LANCL3: variants seen among roughly 807,000 people sequenced by gnomAD.
The protein encoded by LANCL3 is LanC like family member 3, also known as lanC-like protein 3.
In LANCL3, 19 loss-of-function variants were observed where a neutral mutation model predicts 26.5. The ratio of observed to expected loss-of-function variants is 0.72; its 90% confidence interval spans 0.50 to 1.05. The LOEUF is 1.05. Among genes scored for constraint, LANCL3 ranks in the 50% least tolerant of loss-of-function variants. The probability of loss-of-function intolerance (pLI) is 0.00; values close to 1 mark genes in which losing one functional copy is unlikely to be tolerated. For synonymous variants in LANCL3, 160 were observed against 166.6 expected, an observed-to-expected ratio of 0.96 and a Z score of 0.30; for missense variants, 318 against 362.7, an observed-to-expected ratio of 0.88 and a Z score of 1.00.
chrX:37,572,949 C>G (rs1391164238), intron 1 of LANCL3, among the ~76,000 whole-genome samples: 1 of 112,150 alleles, frequency 8.9e-6, no homozygotes, highest in Non-Finnish European at 1.9e-5. Context: ...GTTTTGCTTA[C>G]TATTCAGTTC....
chrX:37,589,744 T>C (rs1259189948), intron 1 of LANCL3, among the ~76,000 whole-genome samples: 5 of 111,712 alleles, frequency 4.5e-5, no homozygotes, highest in African/African-American at 1.6e-4. Context: ...AGCATATGTA[T>C]TCTTTTGGAT....
chrX:37,607,883 G>T (rs1001135463), intron 1 of LANCL3, among the ~76,000 whole-genome samples: 1 of 112,290 alleles, frequency 8.9e-6, no homozygotes, highest in Non-Finnish European at 1.9e-5. Context: ...AACTGTCAGG[G>T]TGCATTTACC....
chrX:37,625,264 A>C (rs1172709723), intron 1 of LANCL3, among the ~76,000 whole-genome samples: 2 of 111,742 alleles, frequency 1.8e-5, no homozygotes, highest in Non-Finnish European at 1.9e-5. Context: ...ACAACAACAA[A>C]AAGTTTTTAT....
intron 1 of LANCL3, among the ~76,000 whole-genome samples, chrX:37,632,149 C>CAT (rs1477600526): frequency 8.9e-6 from 1 of 111,918 alleles, no homozygotes; most frequent in Non-Finnish European, 1.9e-5. Flanking sequence ...GTATTGGTTG[C>CAT]ATATATATTT....
chrX:37,628,292 T>A (rs1436905811), intron 1 of LANCL3, among the ~76,000 whole-genome samples: 1 of 111,190 alleles, frequency 9.0e-6, no homozygotes, highest in East Asian at 2.8e-4. Flanking sequence ...AGGAACATCA[T>A]ACACATCCAA....
intron 1 of LANCL3, among the ~76,000 whole-genome samples, chrX:37,595,521 G>A (rs1924400768): frequency 8.9e-6 from 1 of 111,857 alleles, no homozygotes; most frequent in African/African-American, 3.2e-5. Context: ...GCCAAAAGAT[G>A]GCAAAATTCT....
chrX:37,614,967 T>C (rs1365904738), intron 1 of LANCL3, among the ~76,000 whole-genome samples: 1 of 112,385 alleles, frequency 8.9e-6, no homozygotes, highest in Non-Finnish European at 1.9e-5. Context: ...TTATGCCCTG[T>C]TCTAAGCTCT....
At chrX:37,672,640 A>G (rs1926711472) in intron 4 of LANCL3, among the ~76,000 whole-genome samples, 1 of 111,930 alleles carries the variant, frequency 8.9e-6, no homozygotes, top group African/African-American at 3.2e-5. Context: ...TGATCTGATT[A>G]GTTACTTTCC....
chrX:37,605,764 C>T (rs1390558426), intron 1 of LANCL3, among the ~76,000 whole-genome samples: 4 of 111,479 alleles, frequency 3.6e-5, no homozygotes, highest in Admixed American at 9.5e-5. Flanking sequence ...ACCTTTTTGA[C>T]GAGACCTACA....
intron 1 of LANCL3, among the ~76,000 whole-genome samples, chrX:37,620,673 T>A (rs1384341556): frequency 3.6e-5 from 4 of 111,764 alleles, no homozygotes; most frequent in Non-Finnish European, 7.5e-5. Context: ...CCAACATTCC[T>A]ATGGCGGTCT....
Position 37,573,674 on chromosome X carries a change from CAG to C in LANCL3, c.573+1235_573+1236del, listed in dbSNP as rs782590876. Among the ~76,000 whole-genome samples, 3 of 112,334 alleles carry C rather than the reference CAG, an allele frequency of 2.7e-5. 1 individual carries two copies. The South Asian group carries it at 1.1e-3, about 42-fold the overall frequency. On this transcript the variant is annotated intron_variant, in intron 1 of 4. Transcript: ENST00000378619. ...TTGTAGAAAACCTTTTAGAAGGCCA[CAG>C]AGATATTTACATATCATTTGCATTG...
intron 1 of LANCL3, among the ~76,000 whole-genome samples, chrX:37,599,754 C>T (rs1556419838): frequency 8.9e-6 from 1 of 112,258 alleles, no homozygotes; most frequent in Admixed American, 9.5e-5. Context: ...TAGATGTTCA[C>T]AGTCTTCTTA....
intron 1 of LANCL3, among the ~76,000 whole-genome samples, chrX:37,630,950 A>G (rs1925481107): frequency 9.0e-6 from 1 of 111,492 alleles, no homozygotes; most frequent in African/African-American, 3.3e-5. Flanking sequence ...TGGTATCAGG[A>G]TGATGCTGGC....
intron 3 of LANCL3, among the ~76,000 whole-genome samples, chrX:37,660,323 A>G (rs1180570997): frequency 9.0e-6 from 1 of 111,685 alleles, no homozygotes; most frequent in Non-Finnish European, 1.9e-5. Flanking sequence ...GACAAATCGT[A>G]TGCACTTTAA....
intron 1 of LANCL3, among the ~76,000 whole-genome samples, chrX:37,638,633 A>T (rs782138804): frequency 1.1e-4 from 12 of 112,096 alleles, no homozygotes; most frequent in African/African-American, 3.9e-4. Flanking sequence ...TTTTTATAAA[A>T]AAAATTGAAG....
chrX:37,582,267 G>C (rs1361806609), intron 1 of LANCL3, among the ~76,000 whole-genome samples: 5 of 111,870 alleles, frequency 4.5e-5, no homozygotes, highest in African/African-American at 1.6e-4. Flanking sequence ...CTTTATAGTA[G>C]CATGACTTAC....
chrX:37,583,407 C>A (rs1379089396), intron 1 of LANCL3, among the ~76,000 whole-genome samples: 1 of 111,771 alleles, frequency 8.9e-6, no homozygotes, highest in Non-Finnish European at 1.9e-5. Context: ...TTACCTTGGG[C>A]AGTATAGCCA....
intron 1 of LANCL3, among the ~76,000 whole-genome samples, chrX:37,626,211 C>A (rs1925311535): frequency 8.9e-6 from 1 of 112,361 alleles, no homozygotes; most frequent in Non-Finnish European, 1.9e-5. Context: ...AACTTAGTTT[C>A]CTCATCCTCA....
Position 37,675,915 on chromosome X carries a change from A to C in LANCL3, c.*102A>C, listed in dbSNP as rs1926792527. 2.3e-5 allele frequency: 14 copies of C among 619,298 alleles called. No individual in the cohort carries two copies. Among genetic ancestry groups the C allele is most frequent in the South Asian group, 6.9e-5 (1 of 14,489 alleles). 51.0% of individuals were successfully genotyped at this position (619,298 alleles called of 1,213,427 possible). Reference sequence around the variant, plus strand: ...AATGGTATCGCAACCATGAGCCTTAACATTGCCATCAGAAGGAAGGAATCA... The same window carrying C: ...AATGGTATCGCAACCATGAGCCTTACCATTGCCATCAGAAGGAAGGAATCA... On this transcript the variant is annotated 3_prime_UTR_variant, in exon 5 of 5. Transcript: ENST00000378619.
Sources: allele counts gnomAD v4.1 joint callset (sites outside exome capture counted in the v4.1 genomes callset), GRCh38; gene constraint gnomAD v4.1.1; transcripts MANE v1.5; gene names NCBI Gene and HGNC (gene_info 2026-07-23, HGNC 2026-07-21).